Variants in CNST observed in about 807,000 individuals in gnomAD.
CNST encodes consortin.
In CNST, 39 loss-of-function variants were observed where a neutral mutation model predicts 72.4. That is an observed-to-expected ratio of 0.54 (90% CI 0.42 to 0.70). The LOEUF (loss-of-function observed/expected upper bound fraction) is 0.70, where lower values mean the gene tolerates loss of function less well. Ranked by LOEUF, CNST falls within the 30% of genes least tolerant of loss-of-function variation. CNST has a pLI of 0.00. For missense variants in CNST, 871 were observed against 868.5 expected, an observed-to-expected ratio of 1.00 and a Z score of -0.04; for synonymous variants, 332 against 320.1, an observed-to-expected ratio of 1.04 and a Z score of -0.40.
chr1:246,599,828 AT>A (rs1275058968), intron 2 of CNST, among the ~76,000 whole-genome samples: 1 of 152,210 alleles, frequency 6.6e-6, no homozygotes, highest in Non-Finnish European at 1.5e-5. Context: ...TTCTGACATT[AT>A]TTTGTAGACC....
rs774032509 is a variant in CNST at position 246,591,627 on chromosome 1, G to A, written c.65G>A (p.Gly22Asp). 1.2e-6 allele frequency: 2 copies of A among 1,614,164 alleles called. No individual in the cohort carries two copies. Among genetic ancestry groups the A allele is most frequent in the South Asian group, 1.1e-5 (1 of 91,082 alleles). Residue 22 changes from glycine (G) to aspartate (D), a missense_variant, in exon 2 of 11, where the codon GGT becomes GAT. By Grantham distance (94) the Gly-to-Asp change is moderately conservative. Coordinates refer to ENST00000366513, the MANE Select transcript of CNST (RefSeq NM_152609.3). ...GAACCACAAGATGGATGTCATCCTG[G>A]TGACAGCGTGGAAAGGAGTGTGACC... ...QIEPQDGCHP[G>D]DSVERSVTCL...
rs1664627888 is a variant in CNST, at chr1:246,629,267, C to T, written c.586-2627C>T. ...CCCATGTTCTTTCTGCTCTACTGGG[C>T]TAGCTTTCAGATTTAGAAATATGCT... On this transcript the variant is annotated intron_variant, in intron 3 of 10. Coordinates refer to ENST00000366513, the MANE Select transcript of CNST (RefSeq NM_152609.3). Among the ~76,000 whole-genome samples the T allele has an allele frequency of 2.0e-5, 3 of 152,288 alleles. No homozygotes were observed. In the South Asian group the frequency reaches 6.2e-4, roughly 32 times the overall value.
intron 2 of CNST, among the ~76,000 whole-genome samples, chr1:246,600,052 G>T (rs1277741007): frequency 2.0e-5 from 3 of 152,172 alleles, no homozygotes; most frequent in African/African-American, 7.2e-5. Flanking sequence ...GGAGGAGTTG[G>T]TATCTAAGCT....
At position 246,577,888 on chromosome 1, in the gene CNST, G is replaced by A. The variant is rs188611634; in HGVS notation, c.-52+11225G>A. Among the ~76,000 whole-genome samples, 102 of 151,988 alleles carry A rather than the reference G, an allele frequency of 6.7e-4. 3 individuals are homozygous for A. Among genetic ancestry groups the A allele is most frequent in the African/African-American group, 2.3e-3 (94 of 41,354 alleles). On this transcript the variant is annotated intron_variant, in intron 1 of 10. Coordinates refer to ENST00000366513, the MANE Select transcript of CNST (RefSeq NM_152609.3). Reference sequence around the variant, plus strand: ...CTTCTTTTTTGGACTTTGCTGACTCGTCCCTGTATTAATCTTTCACTGACA... The same window carrying A: ...CTTCTTTTTTGGACTTTGCTGACTCATCCCTGTATTAATCTTTCACTGACA...
rs1665342068 is a variant in CNST at position 246,637,278 on chromosome 1, C to T, written c.818+2691C>T. ...CATGCTGAGTATCACAGCGTAGGGG[C>T]CTGTCCACTTTGGTTGTAGCTTTTT... On this transcript the variant is annotated intron_variant, in intron 6 of 10. Transcript: ENST00000366513. Among the ~76,000 whole-genome samples, 5 of 152,252 alleles carry T rather than the reference C, an allele frequency of 3.3e-5. No homozygotes were observed. The South Asian group carries it at 1.0e-3, about 32-fold the overall frequency.
At chr1:246,584,284 G>T (rs4494115) in intron 1 of CNST, among the ~76,000 whole-genome samples, 3 of 151,912 alleles carry the variant, frequency 2.0e-5, no homozygotes, top group African/African-American at 7.3e-5. Context: ...ATCCGAAATC[G>T]CTAAGAAATA....
intron 1 of CNST, among the ~76,000 whole-genome samples, chr1:246,580,641 TC>T (rs1188922196): frequency 6.6e-6 from 1 of 152,244 alleles, no homozygotes; most frequent in Non-Finnish European, 1.5e-5. Flanking sequence ...ATCTCTTTAC[TC>T]CCTTCTGTAT....
intron 2 of CNST, among the ~76,000 whole-genome samples, chr1:246,613,353 C>T (rs528820768): frequency 6.6e-6 from 1 of 152,168 alleles, no homozygotes; most frequent in African/African-American, 2.4e-5. Context: ...ATGATTCCTG[C>T]CTGCCAGCCT....
At chr1:246,576,830 C>G (rs926459787) in intron 1 of CNST, among the ~76,000 whole-genome samples, 1 of 151,842 alleles carries the variant, frequency 6.6e-6, no homozygotes, top group Admixed American at 6.6e-5. Flanking sequence ...ATCCTATTAC[C>G]CCTTCCCTTG....
chr1:246,639,829 A>G (rs1485341728), intron 6 of CNST, among the ~76,000 whole-genome samples: 1 of 152,210 alleles, frequency 6.6e-6, no homozygotes, highest in Non-Finnish European at 1.5e-5. Flanking sequence ...GAGGCCTAAA[A>G]TGGCGTCAGC....
intron 3 of CNST, 45 bp downstream of exon 3, chr1:246,621,679 T>C (rs1311024319): frequency 1.3e-6 from 2 of 1,493,390 alleles, no homozygotes; most frequent in East Asian, 4.5e-5. Flanking sequence ...AAAATTCCCC[T>C]AGCAGTGTTT....
intron 6 of CNST, among the ~76,000 whole-genome samples, chr1:246,637,808 A>G (rs6701305): frequency 0.057 from 8,694 of 152,306 alleles, 347 homozygotes; most frequent in Middle Eastern, 0.092. Context: ...GGAATTGTAT[A>G]CATGATGAGA....
intron 9 of CNST, chr1:246,648,303 A>G (rs1390852930): frequency 3.4e-5 from 34 of 1,008,836 alleles, no homozygotes; most frequent in Admixed American, 4.4e-5. Context: ...TCCATTTTTT[A>G]TAGTCCTGAC....
At chr1:246,586,486 GATATATAAATA>G (rs1558534582) in intron 1 of CNST, among the ~76,000 whole-genome samples, 1 of 148,290 alleles carries the variant, frequency 6.7e-6, no homozygotes, top group Non-Finnish European at 1.5e-5. Context: ...CTATATCTGA[GATATATAAATA>G]ATATATAAAT....
chr1:246,567,807 CTT>C lies in CNST; in HGVS notation c.-52+1146_-52+1147del, dbSNP rs150756305. The stretch of plus-strand genomic sequence containing the variant: ...CTCACTGACAATTTTCTAGAGGTGA[CTT>C]TGCATCCTCTGAACCTCTCTCCATT... On this transcript the variant is annotated intron_variant, in intron 1 of 10. Transcript: ENST00000366513. 3.0e-3 allele frequency among the ~76,000 whole-genome samples: 451 copies of C among 152,258 alleles called. 8 individuals carry two copies. In the East Asian group the frequency reaches 0.04, roughly 14 times the overall value.
At chr1:246,658,069 C>T (rs932177906) in intron 9 of CNST, among the ~76,000 whole-genome samples, 3 of 152,000 alleles carry the variant, frequency 2.0e-5, no homozygotes, top group East Asian at 1.9e-4. Context: ...GAAAATAGAT[C>T]GTGAAGGAAT....
intron 3 of CNST, among the ~76,000 whole-genome samples, chr1:246,626,763 AT>A (rs1558569300): frequency 2.0e-5 from 3 of 151,922 alleles, no homozygotes; most frequent in African/African-American, 7.2e-5. Context: ...GGCCTGTCCT[AT>A]TTCTTTTCTG....
intron 9 of CNST, among the ~76,000 whole-genome samples, chr1:246,654,390 C>CA (rs1392544129): frequency 2.6e-5 from 4 of 152,218 alleles, no homozygotes; most frequent in Non-Finnish European, 5.9e-5. Context: ...GTGCCTAGCT[C>CA]ATGGCCAGTA....
chr1:246,593,848 G>T (rs1202524144), intron 2 of CNST, among the ~76,000 whole-genome samples: 4 of 152,126 alleles, frequency 2.6e-5, no homozygotes. Flanking sequence ...CTGCAGCCTT[G>T]ATCTCCCAGG....
Sources: gnomAD v4.1 joint callset for allele counts (sites outside exome capture counted in the v4.1 genomes callset) on GRCh38, gnomAD v4.1.1 for gene constraint, MANE v1.5 for transcripts, NCBI Gene and HGNC (gene_info 2026-07-23, HGNC 2026-07-21) for gene names.